The following DTNA variants were observed in gnomAD, a reference collection of about 807,000 sequenced individuals.
The protein encoded by DTNA is dystrobrevin alpha.
A neutral mutation model predicts 100.7 loss-of-function variants in DTNA; 43 were observed. That is an observed-to-expected ratio of 0.43 (90% CI 0.33 to 0.55). DTNA has a LOEUF of 0.55. Ranked by LOEUF, DTNA falls within the 20% of genes least tolerant of loss-of-function variation. The pLI is 0.04. For synonymous variants in DTNA, 349 were observed against 347.9 expected (o/e 1.00, Z -0.04); for missense variants, 798 against 953.9 (o/e 0.84, Z 2.15).
At chr18:34,592,086 C>T (rs2049791833) in intron 1 of DTNA, among the ~76,000 whole-genome samples, 1 of 152,156 alleles carries the variant, frequency 6.6e-6, no homozygotes, top group South Asian at 2.1e-4. Flanking sequence ...GCTGCAGCCA[C>T]ACCACCACCC....
At chr18:34,667,458 A>G (rs1192556023) in intron 1 of DTNA, among the ~76,000 whole-genome samples, 5 of 152,116 alleles carry the variant, frequency 3.3e-5, no homozygotes, top group Admixed American at 6.6e-5. Flanking sequence ...TTCCAACACT[A>G]TGTTGAAAAG....
chr18:34,695,506 C>A (rs968458243), intron 1 of DTNA, among the ~76,000 whole-genome samples: 4 of 152,230 alleles, frequency 2.6e-5, no homozygotes, highest in African/African-American at 9.6e-5. Flanking sequence ...GAGGCGCTAA[C>A]CAGTGGAGAC....
At chr18:34,537,520 A>C (rs1040383521) in intron 1 of DTNA, among the ~76,000 whole-genome samples, 7 of 147,386 alleles carry the variant, frequency 4.7e-5, no homozygotes, top group Non-Finnish European at 9.0e-5. Flanking sequence ...TTTAAAAAGC[A>C]AAAAAAAAAG....
intron 13 of DTNA, among the ~76,000 whole-genome samples, chr18:34,847,681 T>C (rs1475540303): frequency 6.6e-6 from 1 of 152,138 alleles, no homozygotes; most frequent in Non-Finnish European, 1.5e-5. Context: ...CTGACAGCTA[T>C]TTTCCCACCA....
At chr18:34,866,140 TG>T in intron 17 of DTNA, 1 of 1,614,192 alleles carries the variant, frequency 6.2e-7, no homozygotes, top group Non-Finnish European at 8.5e-7. Flanking sequence ...GAGTAAGTTA[TG>T]TCCCCTACTG....
intron 1 of DTNA, among the ~76,000 whole-genome samples, chr18:34,532,858 G>A (rs1190068169): frequency 6.6e-6 from 1 of 151,886 alleles, no homozygotes; most frequent in Admixed American, 6.6e-5. Flanking sequence ...GAAACCTGGT[G>A]ACTGTATATA....
rs775633582 is a variant in DTNA at position 34,875,244 on chromosome 18, G to A, written c.1749G>A (p.Gln583=). The stretch of plus-strand genomic sequence containing the variant: ...GACCTGCATTGTCTCTCCAGACTCA[G>A]GGGGCAGGCTCTCCCCGCTCCTCCC... ...LEGLMKLLKT[Q]GAGSPRSSPS... is the part of the protein sequence containing the mutation. The change falls in exon 18 of 23, where the codon CAG becomes CAA. Residue 583 remains glutamine, a synonymous_variant. Transcript: ENST00000444659. The A allele has an allele frequency of 1.2e-6, 2 of 1,613,694 alleles. No individual in the cohort carries two copies. Among genetic ancestry groups the A allele is most frequent in the Non-Finnish European group, 1.7e-6 (2 of 1,179,802 alleles).
At chr18:34,880,202 A>G (rs983914612) in intron 20 of DTNA, among the ~76,000 whole-genome samples, 7 of 152,228 alleles carry the variant, frequency 4.6e-5, no homozygotes, top group African/African-American at 1.7e-4. Flanking sequence ...AAAGAAATCC[A>G]GTTTGGTTGA....
At chr18:34,625,244 G>C (rs2057154301) in intron 1 of DTNA, among the ~76,000 whole-genome samples, 1 of 152,136 alleles carries the variant, frequency 6.6e-6, no homozygotes, top group Non-Finnish European at 1.5e-5. Context: ...GGCCAGACTG[G>C]TCTCAAACTC....
upstream of DTNA, among the ~76,000 whole-genome samples, chr18:34,706,765 A>C (rs750451857): frequency 9.2e-5 from 14 of 152,216 alleles, no homozygotes; most frequent in Non-Finnish European, 1.8e-4. Context: ...TTGATATTAA[A>C]TTGTATAAAT....
chr18:34,851,434 A>T (rs892502867), intron 14 of DTNA, among the ~76,000 whole-genome samples: 2 of 152,166 alleles, frequency 1.3e-5, no homozygotes, highest in Non-Finnish European at 2.9e-5. Context: ...CATTACAGTA[A>T]TTGAACGGTA....
At chr18:34,873,518 C>T (rs1427385119) in intron 17 of DTNA, among the ~76,000 whole-genome samples, 2 of 152,206 alleles carry the variant, frequency 1.3e-5, no homozygotes, top group South Asian at 2.1e-4. Context: ...CAGCAAGGCT[C>T]CCGCAGCCCA....
chr18:34,603,205 T>A (rs2052325503), intron 1 of DTNA, among the ~76,000 whole-genome samples: 2 of 151,256 alleles, frequency 1.3e-5, no homozygotes, highest in South Asian at 4.2e-4. Flanking sequence ...AGTGAGACCC[T>A]GTCTCTAAAA....
intron 1 of DTNA, among the ~76,000 whole-genome samples, chr18:34,564,364 G>A (rs1208928640): frequency 3.9e-5 from 6 of 152,006 alleles, no homozygotes; most frequent in African/African-American, 1.2e-4. Flanking sequence ...GGCTGGTCTC[G>A]AATTCCTGAC....
At position 34,827,736 on chromosome 18, in the gene DTNA, G is replaced by A. The variant is rs1418785248; in HGVS notation, c.1085+60G>A. 3 of 1,533,292 alleles carry A rather than the reference G, an allele frequency of 2.0e-6. No individual in the cohort carries two copies. The East Asian group carries it at 6.7e-5, about 34-fold the overall frequency. 95.0% of individuals were successfully genotyped at this position (1,533,292 alleles called of 1,614,324 possible). On this transcript the variant is annotated intron_variant, in intron 10 of 22. Transcript: ENST00000444659. ...CTTTGGTAATGAGCCTTGATTCTGT[G>A]GTAAGAAAAATATTCTCATGCAAGC... is the stretch of plus-strand genomic sequence containing the variant.
At chr18:34,775,286 A>G (rs1372390505) in intron 3 of DTNA, among the ~76,000 whole-genome samples, 2 of 152,128 alleles carry the variant, frequency 1.3e-5, no homozygotes, top group Non-Finnish European at 2.9e-5. Context: ...GGAGATCGAG[A>G]CGATCCTGGT....
chr18:34,711,061 A>G (rs2082806490), intron 1 of DTNA, among the ~76,000 whole-genome samples: 1 of 152,152 alleles, frequency 6.6e-6, no homozygotes, highest in Non-Finnish European at 1.5e-5. Context: ...TTGTGGCTGT[A>G]TGTGTGATAC....
At chr18:34,738,000 G>A (rs1374981965) in intron 1 of DTNA, 4 of 152,168 alleles carry the variant, frequency 2.6e-5, no homozygotes, top group Non-Finnish European at 5.9e-5. Flanking sequence ...GAGAAATTCG[G>A]AAAAGCTGCC....
At chr18:34,736,527 T>G (rs1280712329) in intron 1 of DTNA, among the ~76,000 whole-genome samples, 1 of 152,150 alleles carries the variant, frequency 6.6e-6, no homozygotes, top group African/African-American at 2.4e-5. Flanking sequence ...ACAGACAGAA[T>G]CAAATTCCAG....
Sources: gnomAD v4.1 joint callset for allele counts (sites outside exome capture counted in the v4.1 genomes callset) on GRCh38, gnomAD v4.1.1 for gene constraint, MANE v1.5 for transcripts, NCBI Gene and HGNC (gene_info 2026-07-23, HGNC 2026-07-21) for gene names.